UST: variants seen among roughly 807,000 people sequenced by gnomAD.
UST encodes the protein chondroitin sulfate 2-O-sulfotransferase.
Under a neutral mutation model 45.6 loss-of-function variants are expected in UST, and 21 were observed. That is an observed-to-expected ratio of 0.46 (90% confidence interval 0.33 to 0.66). The LOEUF (loss-of-function observed/expected upper bound fraction) is 0.66, where lower values mean the gene tolerates loss of function less well. Among genes scored for constraint, UST ranks in the 30% least tolerant of loss-of-function variants. The pLI, the probability that UST is intolerant of heterozygous loss-of-function variation, is 0.02. For missense variants in UST, 463 were observed against 512.4 expected (o/e 0.90, Z 0.93); for synonymous variants, 215 against 200.6 (o/e 1.07, Z -0.61).
intron 1 of UST, among the ~76,000 whole-genome samples, chr6:148,857,971 G>A (rs1277322356): frequency 6.6e-6 from 1 of 152,114 alleles, no homozygotes; most frequent in Non-Finnish European, 1.5e-5. Context: ...ACCCAAGTAT[G>A]TGTTGAATGC....
In UST at chr6:149,075,726, G is replaced by A. The variant is rs1776881248; in HGVS notation, c.*1610G>A. The A allele has an allele frequency of 6.6e-6, 1 of 152,140 alleles. No homozygotes were observed. Among genetic ancestry groups the A allele is most frequent in the Non-Finnish European group, 1.5e-5 (1 of 68,028 alleles). 9.4% of individuals were successfully genotyped at this position (152,140 alleles called of 1,614,324 possible). On this transcript the variant is annotated 3_prime_UTR_variant, in exon 8 of 8. Transcript: ENST00000367463. ...GCTAGCTAAGAAGCCGAGGTTCAGTGGTGGCAGCAGGAAGGACACTGCCAC... is the reference window on the plus strand; with the variant it reads ...GCTAGCTAAGAAGCCGAGGTTCAGTAGTGGCAGCAGGAAGGACACTGCCAC...
intron 1 of UST, among the ~76,000 whole-genome samples, chr6:148,814,656 G>GT (rs572225729): frequency 1.4e-3 from 218 of 152,290 alleles, no homozygotes; most frequent in African/African-American, 5.1e-3. Flanking sequence ...CACTGTGGTT[G>GT]TTTGTAGACC....
intron 2 of UST, among the ~76,000 whole-genome samples, chr6:148,924,652 C>G (rs887954498): frequency 2.6e-4 from 40 of 152,184 alleles, no homozygotes; most frequent in African/African-American, 9.4e-4. Context: ...GGGGGACACT[C>G]TGAATTTCCC....
chr6:149,025,446 G>A (rs1246598059), intron 7 of UST, among the ~76,000 whole-genome samples: 1 of 152,152 alleles, frequency 6.6e-6, no homozygotes, highest in Non-Finnish European at 1.5e-5. Flanking sequence ...ATAACCAAGA[G>A]AATATGCTTG....
rs116758032 is a variant in UST at position 148,773,813 on chromosome 6, C to T, written c.247+26136C>T. ...TTTTTTGTACGTGGGGCGCCATGAA[C>T]GCAAAGACTTCCAGCGGGATGGGCG... On this transcript the variant is annotated intron_variant, in intron 1 of 7. Transcript: ENST00000367463. Among the ~76,000 whole-genome samples the T allele has an allele frequency of 6.3e-3, 959 of 152,258 alleles. 11 individuals carry two copies. The highest frequency in any genetic ancestry group is 0.022 in the African/African-American group (917 of 41,546).
chr6:148,927,937 G>A (rs1018648237), intron 2 of UST, among the ~76,000 whole-genome samples: 2 of 152,154 alleles, frequency 1.3e-5, no homozygotes, highest in African/African-American at 4.8e-5. Context: ...CCTTACTTTT[G>A]ACATCTTTCA....
At chr6:148,897,620 T>C (rs1562293209) in intron 2 of UST, among the ~76,000 whole-genome samples, 1 of 151,856 alleles carries the variant, frequency 6.6e-6, no homozygotes, top group Non-Finnish European at 1.5e-5. Flanking sequence ...GCCTCCCAAG[T>C]AGCTAGGATT....
intron 1 of UST, among the ~76,000 whole-genome samples, chr6:148,762,328 G>A (rs1346021874): frequency 6.6e-6 from 1 of 152,144 alleles, no homozygotes; most frequent in South Asian, 2.1e-4. Flanking sequence ...AAGCATCTTT[G>A]TCTTTCTTTC....
Position 149,021,310 on chromosome 6 carries a change from T to C in UST, c.780-14T>C. On this transcript the variant is annotated splice_polypyrimidine_tract_variant and intron_variant, in intron 6 of 7. Coordinates refer to ENST00000367463, the MANE Select transcript of UST (RefSeq NM_005715.3). ...TGAATGTCTGATTTTAAATAAATTT[T>C]TATATCCATAAAGGGAGCCTGGTGA... 1.3e-6 allele frequency: 2 copies of C among 1,581,684 alleles called. No individual in the cohort carries two copies. Among genetic ancestry groups the C allele is most frequent in the African/African-American group, 2.7e-5 (2 of 73,104 alleles).
At chr6:149,035,856 T>C (rs1309394072) in intron 7 of UST, among the ~76,000 whole-genome samples, 1 of 152,182 alleles carries the variant, frequency 6.6e-6, no homozygotes, top group Non-Finnish European at 1.5e-5. Context: ...GATAATCAAA[T>C]AGCAATAGAG....
At chr6:148,916,255 A>G (rs1198460616) in intron 2 of UST, among the ~76,000 whole-genome samples, 1 of 152,214 alleles carries the variant, frequency 6.6e-6, no homozygotes, top group Non-Finnish European at 1.5e-5. Context: ...TAAGGCACAG[A>G]GAGGTTAAGT....
chr6:148,912,617 A>G (rs1779497266), intron 2 of UST, among the ~76,000 whole-genome samples: 2 of 152,208 alleles, frequency 1.3e-5, no homozygotes, highest in Non-Finnish European at 2.9e-5. Context: ...AATGAGAAAA[A>G]TCCTCCCTGG....
intron 1 of UST, among the ~76,000 whole-genome samples, chr6:148,760,278 G>A (rs1431242054): frequency 6.6e-6 from 1 of 152,166 alleles, no homozygotes; most frequent in Non-Finnish European, 1.5e-5. Flanking sequence ...TAAGACATGG[G>A]TTTCCAGAGT....
At chr6:149,064,914 C>T (rs1050089394) in intron 7 of UST, among the ~76,000 whole-genome samples, 1 of 151,766 alleles carries the variant, frequency 6.6e-6, no homozygotes, top group African/African-American at 2.4e-5. Flanking sequence ...AAATACCCCA[C>T]GGGCCAAACA....
chr6:149,036,154 T>G lies in UST; in HGVS notation c.937+14673T>G, dbSNP rs1222580547. Among the ~76,000 whole-genome samples the G allele has an allele frequency of 2.0e-5, 3 of 152,232 alleles. No homozygotes were observed. In the East Asian group the frequency reaches 5.8e-4, roughly 29 times the overall value. ...GCCTCTGCCCAAACTATCTGGAGAC[T>G]GATCCTAAGATTGCCTGCCCCTGGC... On this transcript the variant is annotated intron_variant, in intron 7 of 7. Transcript: ENST00000367463.
intron 1 of UST, among the ~76,000 whole-genome samples, chr6:148,809,694 C>T (rs56012757): frequency 1.3e-5 from 2 of 152,322 alleles, no homozygotes; most frequent in South Asian, 4.1e-4. Context: ...CTGCTGGAAG[C>T]TTCTCTGTCT....
At chr6:149,023,142 GT>G (rs1290607567) in intron 7 of UST, among the ~76,000 whole-genome samples, 4 of 131,006 alleles carry the variant, frequency 3.1e-5, no homozygotes, top group African/African-American at 8.7e-5. Flanking sequence ...GTGTGTGTGT[GT>G]GTGTGTGGTG....
At chr6:148,837,263 C>G (rs972860638) in intron 1 of UST, among the ~76,000 whole-genome samples, 2 of 152,176 alleles carry the variant, frequency 1.3e-5, no homozygotes, top group Admixed American at 6.5e-5. Context: ...CTCCCTAACT[C>G]TTCTCCAAAT....
At chr6:148,942,582 TA>T (rs1780149405) in intron 3 of UST, among the ~76,000 whole-genome samples, 1 of 151,848 alleles carries the variant, frequency 6.6e-6, no homozygotes, top group African/African-American at 2.4e-5. Context: ...AATAAGTAAA[TA>T]AAAAAATAAA....
Sources: allele counts gnomAD v4.1 joint callset (sites outside exome capture counted in the v4.1 genomes callset), GRCh38; gene constraint gnomAD v4.1.1; transcripts MANE v1.5; gene names NCBI Gene and HGNC (gene_info 2026-07-23, HGNC 2026-07-21).